Variants in SP140 observed in about 807,000 individuals in gnomAD.
SP140 encodes SP140 nuclear body protein.
A neutral mutation model predicts 125.0 loss-of-function variants in SP140; 81 were observed. The ratio of observed to expected loss-of-function variants is 0.65; its 90% CI spans 0.54 to 0.78. The LOEUF (loss-of-function observed/expected upper bound fraction) is 0.78. Among genes scored for constraint, SP140 ranks in the 30% least tolerant of loss-of-function variants. The pLI, the probability that SP140 is intolerant of heterozygous loss-of-function variation, is 0.00. For synonymous variants in SP140, 312 were observed against 354.0 expected, an observed-to-expected ratio of 0.88 and a Z score of 1.33; for missense variants, 858 against 1,037.0, an observed-to-expected ratio of 0.83 and a Z score of 2.37.
chr2:230,203,766 TTTG>T (rs1158506447), intron 1 of SP140: 5 of 152,242 alleles, frequency 3.3e-5, no homozygotes, highest in African/African-American at 1.2e-4. Flanking sequence ...TGTGTTTTGT[TTTG>T]TAAAAAATAA....
intron 12 of SP140, among the ~76,000 whole-genome samples, chr2:230,260,060 C>T (rs569897364): frequency 1.1e-4 from 17 of 152,224 alleles, no homozygotes; most frequent in African/African-American, 3.4e-4. Flanking sequence ...TTCCCATCAG[C>T]AGTGTAGAAG....
chr2:230,290,383 T>G, intron 18 of SP140, 77 bp from the exon 19 acceptor site: 1 of 1,297,434 alleles, frequency 7.7e-7, no homozygotes, highest in Non-Finnish European at 1.1e-6. Flanking sequence ...CCTCGTGTCT[T>G]TATAGGAATT....
intron 15 of SP140, among the ~76,000 whole-genome samples, chr2:230,271,593 G>A (rs972215424): frequency 6.6e-6 from 1 of 152,174 alleles, no homozygotes; most frequent in African/African-American, 2.4e-5. Flanking sequence ...GTGAAAAGCA[G>A]AACTTTCTGG....
intron 17 of SP140, among the ~76,000 whole-genome samples, chr2:230,287,306 A>G (rs920494529): frequency 1.3e-5 from 2 of 152,214 alleles, no homozygotes; most frequent in Admixed American, 1.3e-4. Flanking sequence ...GGGTACAAAT[A>G]TCTTCCCCCA....
In SP140 at chr2:230,251,003, A is replaced by G; in HGVS notation, c.999A>G (p.Glu333=). 1 of 1,613,872 alleles carries G rather than the reference A, an allele frequency of 6.2e-7. No homozygotes were observed. Among genetic ancestry groups the G allele is most frequent in the Non-Finnish European group, 8.5e-7 (1 of 1,179,794 alleles). ...EGEEGSDDCS[E]MCDGEEPQEA... ...CAGAGGGCAGTGATGACTGTTCAGA[A>G]ATGTGTGATGGAGAAGAGCCCCAGG... Residue 333 remains glutamate (E), a synonymous_variant, in exon 10 of 27, where the codon GAA becomes GAG. Coordinates refer to ENST00000392045, the MANE Select transcript of SP140 (RefSeq NM_007237.5).
intron 10 of SP140, among the ~76,000 whole-genome samples, chr2:230,252,325 A>T (rs1036452048): frequency 6.6e-6 from 1 of 152,096 alleles, no homozygotes; most frequent in East Asian, 1.9e-4. Flanking sequence ...GCCTTCATAG[A>T]GTAGCATTCT....
At chr2:230,242,080 A>G (rs1174006490) in intron 4 of SP140, among the ~76,000 whole-genome samples, 1 of 152,144 alleles carries the variant, frequency 6.6e-6, no homozygotes, top group African/African-American at 2.4e-5. Flanking sequence ...CAGAAATGGA[A>G]AGAGAGGAAG....
intron 26 of SP140, among the ~76,000 whole-genome samples, chr2:230,311,827 T>C (rs2149640867): frequency 6.6e-6 from 1 of 152,324 alleles, no homozygotes; most frequent in Middle Eastern, 3.4e-3. Flanking sequence ...CTCCCCCACC[T>C]GCCCCAGAGG....
intron 1 of SP140, among the ~76,000 whole-genome samples, chr2:230,231,476 C>T (rs2047231272): frequency 6.6e-6 from 1 of 152,132 alleles, no homozygotes; most frequent in Non-Finnish European, 1.5e-5. Context: ...CTCTAGCGTT[C>T]TTGTTTTTCT....
intron 15 of SP140, among the ~76,000 whole-genome samples, chr2:230,278,113 T>C (rs776842608): frequency 2.6e-5 from 4 of 152,114 alleles, no homozygotes; most frequent in Non-Finnish European, 5.9e-5. Flanking sequence ...CATACAAGAG[T>C]TCCTTTTCCC....
Position 230,245,882 on chromosome 2 carries a change from A to G in SP140, c.684A>G (p.Ile228Met), listed in dbSNP as rs749112846. Residue 228 changes from isoleucine (I) to methionine (M), a missense_variant, in exon 7 of 27, where the codon ATA becomes ATG. By Grantham distance (10) the Ile-to-Met change is conservative (BLOSUM62 1). This residue lies in a region of SP140 where 791 missense variants were observed against 869.5 expected (regional missense o/e 0.91). Coordinates refer to ENST00000392045, the MANE Select transcript of SP140 (RefSeq NM_007237.5). ...PGGGVSCKLA[I>M]QIDEGESEEM... The stretch of plus-strand genomic sequence containing the variant: ...CTGCAGTGTCCTGTAAACTTGCTAT[A>G]CAAATAGATGAAGGAGAATCAGAAG... 1 of 1,607,080 alleles carries G rather than the reference A, an allele frequency of 6.2e-7. No homozygotes were observed. Among genetic ancestry groups the G allele is most frequent in the Non-Finnish European group, 8.5e-7 (1 of 1,173,594 alleles).
At chr2:230,203,778 A>G (rs1307850841) in intron 1 of SP140, 1 of 152,248 alleles carries the variant, frequency 6.6e-6, no homozygotes, top group Non-Finnish European at 1.5e-5. Context: ...TGTAAAAAAT[A>G]AAGCTGATTA....
intron 18 of SP140, 96 bp from the exon 19 acceptor site, chr2:230,290,364 C>T (rs965407998): frequency 5.4e-6 from 6 of 1,117,608 alleles, no homozygotes; most frequent in Non-Finnish European, 7.8e-6. Flanking sequence ...ATAGAATTTC[C>T]TAAGTATCCC....
intron 15 of SP140, among the ~76,000 whole-genome samples, chr2:230,275,524 T>G (rs1477041143): frequency 6.6e-6 from 1 of 152,196 alleles, no homozygotes; most frequent in Non-Finnish European, 1.5e-5. Flanking sequence ...TAATAAATGT[T>G]GTGTGTGTTT....
chr2:230,250,527 A>G (rs1575011614), intron 9 of SP140, among the ~76,000 whole-genome samples: 1 of 152,138 alleles, frequency 6.6e-6, no homozygotes. Flanking sequence ...CATCCCAAGG[A>G]TGCCTTTCCT....
At position 230,292,743 on chromosome 2, in the gene SP140, G is replaced by A; in HGVS notation, c.1923G>A (p.Arg641=). Residue 641 remains arginine, a synonymous_variant, in exon 20 of 27, where the codon AGG becomes AGA. Coordinates refer to ENST00000392045, the MANE Select transcript of SP140 (RefSeq NM_007237.5). ...KGGHARSKNW[R]LSVRCGGWPL... ...GCCATGCAAGATCAAAGAACTGGAG[G>A]CTGAGTGTGCGCTGTGGCGGGTGGC... The A allele has an allele frequency of 1.2e-6, 2 of 1,614,260 alleles. No homozygotes were observed. Among genetic ancestry groups the A allele is most frequent in the East Asian group, 2.2e-5 (1 of 44,896 alleles).
chr2:230,204,100 A>G (rs2043489751), intron 1 of SP140, among the ~76,000 whole-genome samples: 1 of 152,236 alleles, frequency 6.6e-6, no homozygotes, highest in African/African-American at 2.4e-5. Flanking sequence ...CTTTTAAAAA[A>G]CCTGAAAAAT....
chr2:230,216,417 C>A (rs919323104), intron 3 of SP140, among the ~76,000 whole-genome samples: 2 of 152,140 alleles, frequency 1.3e-5, no homozygotes, highest in Non-Finnish European at 2.9e-5. Context: ...TAAGGATTTC[C>A]AACAGCTACC....
chr2:230,302,774 G>T (rs921576918), intron 22 of SP140, among the ~76,000 whole-genome samples: 2 of 151,886 alleles, frequency 1.3e-5, no homozygotes, highest in African/African-American at 2.4e-5. Context: ...AACCAGGCAC[G>T]TACATGGAAA....
Sources: allele counts gnomAD v4.1 joint callset (sites outside exome capture counted in the v4.1 genomes callset), GRCh38; gene constraint gnomAD v4.1.1; regional missense constraint gnomAD v4.1.1; transcripts MANE v1.5; gene names NCBI Gene and HGNC (gene_info 2026-07-23, HGNC 2026-07-21).